Variants in MYO10 observed in about 807,000 individuals in gnomAD.
MYO10 encodes myosin X.
Under a neutral mutation model 257.3 loss-of-function variants are expected in MYO10, and 133 were observed. The observed-to-expected ratio is 0.52, with a 90% CI of 0.45 to 0.60. The LOEUF is 0.60. Ranked by LOEUF, MYO10 falls within the 20% of genes least tolerant of loss-of-function variation. The pLI is 0.00. For synonymous variants in MYO10, 1,104 were observed against 1,028.6 expected (o/e 1.07, Z -1.40); for missense variants, 2,399 against 2,635.7 (o/e 0.91, Z 1.97).
At chr5:16,783,244 C>A in intron 5 of MYO10, 91 bp downstream of exon 5, 3 of 1,286,282 alleles carry the variant, frequency 2.3e-6, no homozygotes, top group Middle Eastern at 2.0e-4. Flanking sequence ...AAAAGAGAAA[C>A]GCGACCAACT....
At chr5:16,703,807 G>A (rs547366420) in intron 22 of MYO10, among the ~76,000 whole-genome samples, 3 of 148,660 alleles carry the variant, frequency 2.0e-5, no homozygotes, top group South Asian at 2.2e-4. Flanking sequence ...ACTTGAACCC[G>A]GGAGGCGGAG....
At chr5:16,783,252 A>G in intron 5 of MYO10, 83 bp downstream of exon 5, 1 of 1,360,968 alleles carries the variant, frequency 7.3e-7, no homozygotes, top group Non-Finnish European at 9.9e-7. Context: ...AACGCGACCA[A>G]CTAATTTTAA....
At position 16,762,548 on chromosome 5, in the gene MYO10, A is replaced by G; in HGVS notation, c.1584T>C (p.His528=). The G allele has an allele frequency of 6.2e-7, 1 of 1,603,794 alleles. No homozygotes were observed. Among genetic ancestry groups the G allele is most frequent in the Non-Finnish European group, 8.5e-7 (1 of 1,174,636 alleles). The change falls in exon 15 of 41, where the codon CAT becomes CAC. Residue 528 remains histidine, a synonymous_variant. Coordinates refer to ENST00000513610, the MANE Select transcript of MYO10 (RefSeq NM_012334.3). ...STLLEKLHSQ[H]ANNHFYVKPR... ...AGAATTGCAGGTTTTGACATACCGC[A>G]TGCTGACTGTGTAGCTTCTCCAATA...
At chr5:16,683,487 A>C (rs534449509) in intron 30 of MYO10, among the ~76,000 whole-genome samples, 1 of 152,284 alleles carries the variant, frequency 6.6e-6, no homozygotes, top group Non-Finnish European at 1.5e-5. Flanking sequence ...TATCATCAAA[A>C]TCCTTTTCAA....
At chr5:16,769,765 C>A (rs1050056811) in intron 9 of MYO10, among the ~76,000 whole-genome samples, 50 of 152,238 alleles carry the variant, frequency 3.3e-4, no homozygotes, top group African/African-American at 1.1e-3. Flanking sequence ...TACATACAAG[C>A]CTCCTATATA....
chr5:16,798,273 G>A lies in MYO10; in HGVS notation c.280-3440C>T, dbSNP rs988209721. ...CTGAAACAGAGTTGTTGGTTGTACAGCATTGTGAATGTACTAAATGCCACT... is the reference window on the plus strand; with the variant it reads ...CTGAAACAGAGTTGTTGGTTGTACAACATTGTGAATGTACTAAATGCCACT... On this transcript the variant is annotated intron_variant, in intron 3 of 40. Transcript: ENST00000513610. Among the ~76,000 whole-genome samples the A allele has an allele frequency of 2.6e-5, 4 of 152,224 alleles. No individual in the cohort carries two copies. The East Asian group carries it at 7.7e-4, about 29-fold the overall frequency.
intron 35 of MYO10, among the ~76,000 whole-genome samples, chr5:16,674,127 T>A (rs1736608821): frequency 6.6e-6 from 1 of 152,194 alleles, no homozygotes; most frequent in African/African-American, 2.4e-5. Context: ...CCAACTCACC[T>A]CTGCAGCGTT....
At chr5:16,688,012 G>T (rs1162614582) in intron 28 of MYO10, among the ~76,000 whole-genome samples, 1 of 152,168 alleles carries the variant, frequency 6.6e-6, no homozygotes, top group Non-Finnish European at 1.5e-5. Context: ...CCACTGGTCA[G>T]GAGAAAAAGT....
At chr5:16,860,206 T>C (rs1744069692) in intron 2 of MYO10, among the ~76,000 whole-genome samples, 1 of 152,152 alleles carries the variant, frequency 6.6e-6, no homozygotes, top group Non-Finnish European at 1.5e-5. Context: ...GAGAAACAAA[T>C]GTCTCTGGAG....
intron 22 of MYO10, 119 bp from the exon 23 acceptor site, chr5:16,703,277 A>G: frequency 4.1e-6 from 3 of 736,882 alleles, no homozygotes; most frequent in Non-Finnish European, 4.4e-6. Context: ...TGAGACTCTC[A>G]TTATGGAAAC....
intron 19 of MYO10, among the ~76,000 whole-genome samples, chr5:16,751,605 C>T (rs1222892834): frequency 6.6e-6 from 1 of 152,106 alleles, no homozygotes; most frequent in Non-Finnish European, 1.5e-5. Context: ...CCTTAGCCTC[C>T]CAAGTAGCTG....
At chr5:16,700,587 G>A (rs1293666349) in intron 25 of MYO10, among the ~76,000 whole-genome samples, 1 of 151,474 alleles carries the variant, frequency 6.6e-6, no homozygotes, top group East Asian at 1.9e-4. Flanking sequence ...TGAGGCAGCA[G>A]GATAGCTTGG....
chr5:16,844,989 C>A (rs1367392376), intron 2 of MYO10, among the ~76,000 whole-genome samples: 3 of 151,882 alleles, frequency 2.0e-5, no homozygotes, highest in African/African-American at 7.3e-5. Flanking sequence ...GTGTATTTCC[C>A]TTTTCAAATA....
chr5:16,855,062 T>G (rs979748927), intron 2 of MYO10, among the ~76,000 whole-genome samples: 5 of 152,052 alleles, frequency 3.3e-5, no homozygotes, highest in African/African-American at 1.2e-4. Context: ...ACTGTTGCTT[T>G]GTATTTCAGA....
intron 21 of MYO10, among the ~76,000 whole-genome samples, chr5:16,709,180 G>A (rs528800173): frequency 1.3e-5 from 2 of 152,326 alleles, no homozygotes; most frequent in African/African-American, 2.4e-5. Context: ...GCTATAGGGT[G>A]CACTGAGGAA....
intron 9 of MYO10, among the ~76,000 whole-genome samples, chr5:16,778,578 G>A (rs1741296644): frequency 1.3e-5 from 2 of 152,054 alleles, no homozygotes; most frequent in Admixed American, 6.6e-5. Flanking sequence ...GGGCCACGGG[G>A]AATTCTTCCA....
intron 1 of MYO10, among the ~76,000 whole-genome samples, chr5:16,886,829 G>A (rs1228113510): frequency 6.6e-6 from 1 of 150,950 alleles, no homozygotes; most frequent in African/African-American, 2.4e-5. Flanking sequence ...CTACTTGGGA[G>A]TCTGAAGCAT....
In MYO10 at chr5:16,663,301, G is replaced by GA. The variant is rs1357493612; in HGVS notation, c.*3390dup. The GA allele has an allele frequency of 7.7e-6, 1 of 129,858 alleles. No homozygotes were observed. The highest frequency in any genetic ancestry group is 7.9e-5 in the Admixed American group (1 of 12,716). The allele number at this position is 129,858 out of a possible 1,614,324, so 8.0% of individuals were successfully genotyped here. A position where few individuals can be genotyped will look rare whatever the true frequency, so the allele number is the denominator to read the frequency against. ...AAATGGGTAATTAGGGCTACAGCTG[G>GA]AAAAAAGTAACATTTTACTTCTAGT... On this transcript the variant is annotated 3_prime_UTR_variant, in exon 41 of 41. Transcript: ENST00000513610.
At chr5:16,790,987 A>C (rs1402291318) in intron 4 of MYO10, among the ~76,000 whole-genome samples, 1 of 151,984 alleles carries the variant, frequency 6.6e-6, no homozygotes, top group East Asian at 1.9e-4. Flanking sequence ...AAATGGCAAA[A>C]TTAAAACTAG....
Sources: allele counts gnomAD v4.1 joint callset (sites outside exome capture counted in the v4.1 genomes callset), GRCh38; gene constraint gnomAD v4.1.1; transcripts MANE v1.5; gene names NCBI Gene and HGNC (gene_info 2026-07-23, HGNC 2026-07-21).